Variants in CEACAM21 observed in about 807,000 individuals in gnomAD.
The protein encoded by CEACAM21 is cell adhesion molecule CEACAM21.
CEACAM21 carries 38 observed loss-of-function variants against 33.2 expected under a neutral mutation model. The observed-to-expected ratio is 1.14, with a 90% CI of 0.88 to 1.50. The LOEUF (loss-of-function observed/expected upper bound fraction) is 1.50. Among genes scored for constraint, CEACAM21 ranks in the 40% most tolerant of loss-of-function variants. CEACAM21 has a pLI of 0.00. For synonymous variants in CEACAM21, 156 were observed against 143.0 expected, an observed-to-expected ratio of 1.09 and a Z score of -0.65; for missense variants, 385 against 364.6, an observed-to-expected ratio of 1.06 and a Z score of -0.46.
chr19:41,571,667 A>G (rs971917632), upstream of CEACAM21, among the ~76,000 whole-genome samples: 3 of 152,188 alleles, frequency 2.0e-5, no homozygotes, highest in African/African-American at 7.2e-5. Context: ...TTATTCTTTA[A>G]ATAAGAATCT....
chr19:41,580,637 G>C lies in CEACAM21; in HGVS notation c.700+1009G>C, dbSNP rs934267607. On this transcript the variant is annotated intron_variant, in intron 3 of 6. Transcript: ENST00000401445. ...AAGGATGCAGATGAAGAGATGCACA[G>C]AGCATGGCATGTGGGAAGGGGTGTG... Among the ~76,000 whole-genome samples, 6 of 152,188 alleles carry C rather than the reference G, an allele frequency of 3.9e-5. No individual in the cohort carries two copies. In the South Asian group the frequency reaches 8.3e-4, roughly 21 times the overall value.
At chr19:41,558,870 C>T (rs1451218671) in intron 1 of CEACAM21, among the ~76,000 whole-genome samples, 1 of 152,184 alleles carries the variant, frequency 6.6e-6, no homozygotes, top group Non-Finnish European at 1.5e-5. Context: ...AGACAACATA[C>T]TGCTTTAGTA....
chr19:41,570,621 G>A (rs904855227), intron 2 of CEACAM21, among the ~76,000 whole-genome samples: 4 of 152,190 alleles, frequency 2.6e-5, no homozygotes, highest in African/African-American at 9.7e-5. Flanking sequence ...TAACAGTGAA[G>A]TTCAAAGACC....
chr19:41,577,257 C>A lies in CEACAM21; in HGVS notation c.122C>A (p.Ala41Glu), dbSNP rs1422532472. The stretch of plus-strand genomic sequence containing the variant: ...ACTGCCTGGCTCTTTATTGCATCAG[C>A]GCCCTTTGAAGTTGCTGAAGGGGAG... ...PTTAWLFIAS[A>E]PFEVAEGENV... The change falls in exon 2 of 7, where the codon GCG becomes GAG. Residue 41 changes from alanine (A) to glutamate (E), a missense_variant. Ala to Glu is a moderately radical substitution (Grantham distance 107). Transcript: ENST00000401445. 1.2e-6 allele frequency: 2 copies of A among 1,614,078 alleles called. No individual in the cohort carries two copies. The highest frequency in any genetic ancestry group is 1.1e-5 in the South Asian group (1 of 91,080).
At chr19:41,577,667 T>A in intron 2 of CEACAM21, 108 bp downstream of exon 2, 1 of 1,520,842 alleles carries the variant, frequency 6.6e-7, no homozygotes, top group Non-Finnish European at 8.9e-7. Flanking sequence ...TTACGTCCCA[T>A]GTTGGGGTTT....
Position 41,579,461 on chromosome 19 carries a change from T to C in CEACAM21, c.533T>C (p.Ile178Thr). 1.2e-6 allele frequency: 2 copies of C among 1,613,792 alleles called. No individual in the cohort carries two copies. Among genetic ancestry groups the C allele is most frequent in the Non-Finnish European group, 1.7e-6 (2 of 1,179,844 alleles). The change falls in exon 3 of 7, where the codon ATT becomes ACT. Residue 178 changes from isoleucine to threonine, a missense_variant. Coordinates refer to ENST00000401445, the MANE Select transcript of CEACAM21 (RefSeq NM_001098506.4). Reference sequence around the variant, plus strand: ...AACACTGGAACCTCTTTCCAGTGGATTTTCAACAACCAGCGTCTGCAGGTC... The same window carrying C: ...AACACTGGAACCTCTTTCCAGTGGACTTTCAACAACCAGCGTCTGCAGGTC... ...TNNTGTSFQW[I>T]FNNQRLQVTK...
intron 3 of CEACAM21, among the ~76,000 whole-genome samples, chr19:41,581,147 A>G (rs1485335256): frequency 1.3e-5 from 2 of 152,240 alleles, no homozygotes; most frequent in African/African-American, 4.8e-5. Context: ...CCCAAGCTGG[A>G]AGGTTATGGG....
intron 1 of CEACAM21, among the ~76,000 whole-genome samples, chr19:41,552,686 G>C (rs957309930): frequency 5.3e-5 from 8 of 152,202 alleles, no homozygotes; most frequent in African/African-American, 1.9e-4. Flanking sequence ...GCTACTTCCT[G>C]CTGAGAGGGG....
upstream of CEACAM21, among the ~76,000 whole-genome samples, chr19:41,573,706 T>C (rs1555790097): frequency 6.6e-6 from 1 of 152,104 alleles, no homozygotes. Context: ...ACTTCCAGGG[T>C]CTCTCAATTA....
chr19:41,583,395 A>G (rs1555794086), intron 3 of CEACAM21, among the ~76,000 whole-genome samples: 3 of 151,918 alleles, frequency 2.0e-5, no homozygotes, highest in East Asian at 1.9e-4. Context: ...AACTGTTCCA[A>G]CCTCTGCCTG....
intron 2 of CEACAM21, among the ~76,000 whole-genome samples, chr19:41,577,943 C>G (rs2043076918): frequency 6.6e-6 from 1 of 152,168 alleles, no homozygotes; most frequent in African/African-American, 2.4e-5. Flanking sequence ...TGCCCCAGGC[C>G]CCTGTCCCAA....
At chr19:41,570,924 G>A (rs1352150647) in intron 2 of CEACAM21, among the ~76,000 whole-genome samples, 1 of 152,156 alleles carries the variant, frequency 6.6e-6, no homozygotes, top group African/African-American at 2.4e-5. Flanking sequence ...GGCGGGTGAA[G>A]TGGGGAAGTG....
chr19:41,583,523 G>C (rs2070469517), intron 3 of CEACAM21, among the ~76,000 whole-genome samples: 2 of 152,168 alleles, frequency 1.3e-5, no homozygotes, highest in Non-Finnish European at 2.9e-5. Context: ...ACATACCTGA[G>C]ACTTGGTAAT....
intron 1 of CEACAM21, among the ~76,000 whole-genome samples, chr19:41,560,718 A>C (rs1427952501): frequency 6.6e-6 from 1 of 152,248 alleles, no homozygotes; most frequent in Non-Finnish European, 1.5e-5. Context: ...TGACTTAAAG[A>C]AAGTAAATCA....
upstream of CEACAM21, among the ~76,000 whole-genome samples, chr19:41,573,585 C>A (rs1555790065): frequency 6.6e-6 from 1 of 152,148 alleles, no homozygotes; most frequent in Non-Finnish European, 1.5e-5. Flanking sequence ...GCTATGAAGA[C>A]AAATAAAAGA....
At chr19:41,567,896 A>T (rs1262775296) in intron 2 of CEACAM21, among the ~76,000 whole-genome samples, 2 of 44,910 alleles carry the variant, frequency 4.5e-5, no homozygotes, top group African/African-American at 6.2e-4. Context: ...AAGATGCAGT[A>T]AAAAAAAAAA....
At position 41,586,484 on chromosome 19, in the gene CEACAM21, A is replaced by G. The variant is rs781783976; in HGVS notation, c.*21A>G. 5.5e-5 allele frequency: 35 copies of G among 635,536 alleles called. No homozygotes were observed. The highest frequency in any genetic ancestry group is 4.6e-4 in the South Asian group (34 of 73,422). The allele number at this position is 635,536 out of a possible 1,614,324, so 39.4% of individuals were successfully genotyped here. A position where few individuals can be genotyped will look rare whatever the true frequency, so the allele number is the denominator to read the frequency against. Reference sequence around the variant, plus strand: ...TACAGGAATTGCTACACTCTGACACAAACATTTACTGCTGGATCGACCACA... The same window carrying G: ...TACAGGAATTGCTACACTCTGACACGAACATTTACTGCTGGATCGACCACA... On this transcript the variant is annotated 3_prime_UTR_variant, in exon 7 of 7. Transcript: ENST00000401445.
chr19:41,575,824 T>C (rs2042900734), upstream of CEACAM21, among the ~76,000 whole-genome samples: 1 of 152,198 alleles, frequency 6.6e-6, no homozygotes, highest in African/African-American at 2.4e-5. Flanking sequence ...ACTTTCCTGC[T>C]GGGCATCATT....
upstream of CEACAM21, among the ~76,000 whole-genome samples, chr19:41,574,032 A>G (rs998383903): frequency 2.6e-5 from 4 of 152,254 alleles, no homozygotes; most frequent in Admixed American, 2.6e-4. Context: ...AAGAGTCCAG[A>G]AATAAACCCT....
Sources: gnomAD v4.1 joint callset for allele counts (sites outside exome capture counted in the v4.1 genomes callset) on GRCh38, gnomAD v4.1.1 for gene constraint, MANE v1.5 for transcripts, NCBI Gene and HGNC (gene_info 2026-07-23, HGNC 2026-07-21) for gene names.